Variants in DYNC1I1 observed in about 807,000 individuals in gnomAD.
DYNC1I1 encodes the protein cytoplasmic dynein 1 intermediate chain 1.
Under a neutral mutation model 86.6 loss-of-function variants are expected in DYNC1I1, and 43 were observed. The ratio of observed to expected loss-of-function variants is 0.50; its 90% CI spans 0.39 to 0.64. The LOEUF is 0.64. DYNC1I1 is among the 30% of genes least tolerant of loss of function. DYNC1I1 has a pLI of 0.00. For missense variants in DYNC1I1, 604 were observed against 788.8 expected, an observed-to-expected ratio of 0.77 and a Z score of 2.81; for synonymous variants, 262 against 283.7, an observed-to-expected ratio of 0.92 and a Z score of 0.77.
At chr7:95,959,662 T>C (rs1399311285) in intron 6 of DYNC1I1, among the ~76,000 whole-genome samples, 1 of 152,224 alleles carries the variant, frequency 6.6e-6, no homozygotes, top group African/African-American at 2.4e-5. Flanking sequence ...AAATTAGACC[T>C]GGGTTTACAT....
At chr7:95,849,049 A>T (rs1027164160) in intron 5 of DYNC1I1, among the ~76,000 whole-genome samples, 20 of 152,188 alleles carry the variant, frequency 1.3e-4, no homozygotes, top group African/African-American at 4.6e-4. Flanking sequence ...GTCTACTCAG[A>T]TCCTTTGCCC....
At chr7:95,805,190 T>C (rs1358476592) in intron 2 of DYNC1I1, among the ~76,000 whole-genome samples, 1 of 152,150 alleles carries the variant, frequency 6.6e-6, no homozygotes, top group Non-Finnish European at 1.5e-5. Flanking sequence ...CAATAATGCA[T>C]TTATTTTGTG....
chr7:95,990,049 A>G (rs890905971), intron 9 of DYNC1I1, among the ~76,000 whole-genome samples: 3 of 152,186 alleles, frequency 2.0e-5, no homozygotes, highest in Admixed American at 6.5e-5. Context: ...GGAGAAAAAG[A>G]AAGAAATTAT....
intron 6 of DYNC1I1, among the ~76,000 whole-genome samples, chr7:95,922,535 T>A (rs1295428261): frequency 6.6e-6 from 1 of 152,162 alleles, no homozygotes; most frequent in Non-Finnish European, 1.5e-5. Flanking sequence ...CATTCCTTCC[T>A]ATTTCCATGC....
At chr7:95,819,903 C>T (rs1187759138) in intron 4 of DYNC1I1, among the ~76,000 whole-genome samples, 1 of 152,160 alleles carries the variant, frequency 6.6e-6, no homozygotes, top group Non-Finnish European at 1.5e-5. Flanking sequence ...ACACAGTAAG[C>T]ATCTATTTTA....
At chr7:96,076,306 C>A in intron 15 of DYNC1I1, 109 bp downstream of exon 15, 1 of 1,456,050 alleles carries the variant, frequency 6.9e-7, no homozygotes, top group South Asian at 1.4e-5. Flanking sequence ...ACAGACCTTC[C>A]AACTGCAGCA....
chr7:95,891,360 G>A lies in DYNC1I1; in HGVS notation c.490+21362G>A, dbSNP rs578018634. The stretch of plus-strand genomic sequence containing the variant: ...TAGCTATTTAGAAAATGTATTCAAC[G>A]GTTTTGCGTTTGGTCTAAGGGTAAA... On this transcript the variant is annotated intron_variant, in intron 6 of 16. Coordinates refer to ENST00000447467, the MANE Select transcript of DYNC1I1 (RefSeq NM_001135556.2). Among the ~76,000 whole-genome samples the A allele has an allele frequency of 9.2e-5, 14 of 152,298 alleles. No homozygotes were observed. The South Asian group carries it at 2.5e-3, about 27-fold the overall frequency.
chr7:95,975,527 C>A (rs751064896), intron 6 of DYNC1I1, among the ~76,000 whole-genome samples: 15 of 152,128 alleles, frequency 9.9e-5, no homozygotes, highest in Non-Finnish European at 2.2e-4. Flanking sequence ...ATAATGGCAC[C>A]AGTCATGTTG....
At chr7:95,845,258 A>C (rs1789395066) in intron 5 of DYNC1I1, among the ~76,000 whole-genome samples, 1 of 152,238 alleles carries the variant, frequency 6.6e-6, no homozygotes, top group Non-Finnish European at 1.5e-5. Context: ...TGAAATAAAG[A>C]GATCACTCTG....
intron 6 of DYNC1I1, among the ~76,000 whole-genome samples, chr7:95,951,394 A>T (rs939596688): frequency 1.3e-5 from 2 of 152,120 alleles, no homozygotes; most frequent in African/African-American, 4.8e-5. Flanking sequence ...AGTCGTGATA[A>T]AACATGGGGT....
chr7:95,995,933 A>T lies in DYNC1I1; in HGVS notation c.844-15A>T, dbSNP rs1793856513. On this transcript the variant is annotated splice_polypyrimidine_tract_variant and intron_variant, in intron 9 of 16. Transcript: ENST00000447467. ...CATCTTAGCATAATTCATCCTTGTGACCTCTTCCATTTAGTACCCTGAGCT... is the reference window on the plus strand; with the variant it reads ...CATCTTAGCATAATTCATCCTTGTGTCCTCTTCCATTTAGTACCCTGAGCT... 6.3e-7 allele frequency: 1 copy of T among 1,576,264 alleles called. No homozygotes were observed. Among genetic ancestry groups the T allele is most frequent in the Admixed American group, 1.9e-5 (1 of 51,472 alleles).
intron 3 of DYNC1I1, 92 bp downstream of exon 3, chr7:95,810,598 T>TG: frequency 4.9e-6 from 5 of 1,021,336 alleles, no homozygotes; most frequent in Non-Finnish European, 6.7e-6. Context: ...AAGTCTTTAG[T>TG]TTTTTTTAAT....
At chr7:95,939,983 G>A (rs1792157995) in intron 6 of DYNC1I1, among the ~76,000 whole-genome samples, 1 of 151,986 alleles carries the variant, frequency 6.6e-6, no homozygotes, top group African/African-American at 2.4e-5. Context: ...GCTCTTTTAG[G>A]GCAGGCCTGG....
At position 95,916,640 on chromosome 7, in the gene DYNC1I1, T is replaced by C. The variant is rs574861000; in HGVS notation, c.490+46642T>C. Among the ~76,000 whole-genome samples, 5 of 152,320 alleles carry C rather than the reference T, an allele frequency of 3.3e-5. No individual in the cohort carries two copies. In the East Asian group the frequency reaches 9.6e-4, roughly 29 times the overall value. On this transcript the variant is annotated intron_variant, in intron 6 of 16. Coordinates refer to ENST00000447467, the MANE Select transcript of DYNC1I1 (RefSeq NM_001135556.2). ...TAGCTACGATTTCACATCTGACCTT[T>C]ATTATGTGACCATTCATTGTTTTTT...
intron 6 of DYNC1I1, among the ~76,000 whole-genome samples, chr7:95,933,893 C>G (rs770996596): frequency 6.6e-6 from 1 of 151,952 alleles, no homozygotes; most frequent in African/African-American, 2.4e-5. Context: ...AAATGAAACC[C>G]GACACTTAGA....
At chr7:95,870,053 A>C in intron 6 of DYNC1I1, 55 bp downstream of exon 6, 1 of 1,457,738 alleles carries the variant, frequency 6.9e-7, no homozygotes, top group Non-Finnish European at 9.4e-7. Flanking sequence ...ATCGCTGGGA[A>C]GTAACATCTT....
At chr7:96,075,795 C>T (rs755211923) in intron 14 of DYNC1I1, among the ~76,000 whole-genome samples, 2 of 152,120 alleles carry the variant, frequency 1.3e-5, no homozygotes, top group Non-Finnish European at 2.9e-5. Flanking sequence ...TGGAATGTCT[C>T]ATACAACTCT....
At chr7:96,088,247 T>G (rs966217142) in intron 16 of DYNC1I1, among the ~76,000 whole-genome samples, 1 of 152,196 alleles carries the variant, frequency 6.6e-6, no homozygotes, top group Non-Finnish European at 1.5e-5. Context: ...TCATGTATTA[T>G]GGAGTAGTTG....
intron 6 of DYNC1I1, among the ~76,000 whole-genome samples, chr7:95,961,353 T>C (rs893508033): frequency 4.7e-4 from 71 of 152,238 alleles, no homozygotes; most frequent in African/African-American, 1.6e-3. Context: ...GTGAAAAAAC[T>C]AACCAAGGTA....
Sources: allele counts gnomAD v4.1 joint callset (sites outside exome capture counted in the v4.1 genomes callset), GRCh38; gene constraint gnomAD v4.1.1; transcripts MANE v1.5; gene names NCBI Gene and HGNC (gene_info 2026-07-23, HGNC 2026-07-21).